Variants in RAD51B observed in about 807,000 individuals in gnomAD.
RAD51B encodes DNA repair protein RAD51 homolog 2.
In RAD51B, 38 loss-of-function variants were observed where a neutral mutation model predicts 42.2. The observed-to-expected ratio is 0.90, with a 90% CI of 0.70 to 1.18. The LOEUF (loss-of-function observed/expected upper bound fraction) is 1.18, where lower values mean the gene tolerates loss of function less well. RAD51B is among the 50% of genes most tolerant of loss of function. The pLI, the probability that RAD51B is intolerant of heterozygous loss-of-function variation, is 0.00. For missense variants in RAD51B, 373 were observed against 400.7 expected (o/e 0.93, Z 0.59); for synonymous variants, 154 against 145.2 (o/e 1.06, Z -0.43).
chr14:68,030,061 A>C (rs2076018015), intron 7 of RAD51B, among the ~76,000 whole-genome samples: 1 of 152,242 alleles, frequency 6.6e-6, no homozygotes, highest in African/African-American at 2.4e-5. Context: ...ACCACACTGT[A>C]ACCAGAGGTG....
intron 7 of RAD51B, among the ~76,000 whole-genome samples, chr14:68,041,504 T>TTTCC (rs1302235478): frequency 6.6e-6 from 1 of 152,192 alleles, no homozygotes; most frequent in African/African-American, 2.4e-5. Context: ...ATTTGTCCAC[T>TTTCC]TTCCTTCCTT....
chr14:67,992,140 G>T (rs1027776793), intron 7 of RAD51B, among the ~76,000 whole-genome samples: 1 of 152,040 alleles, frequency 6.6e-6, no homozygotes, highest in African/African-American at 2.4e-5. Flanking sequence ...TCTGATTATC[G>T]CAGTCTGAGA....
At chr14:68,296,522 T>C (rs2081617242) in intron 8 of RAD51B, among the ~76,000 whole-genome samples, 2 of 152,310 alleles carry the variant, frequency 1.3e-5, no homozygotes, top group South Asian at 4.1e-4. Flanking sequence ...CCCAGAGTGA[T>C]TAATAGAGAA....
chr14:68,275,773 A>C (rs184740242), intron 7 of RAD51B, among the ~76,000 whole-genome samples: 13 of 149,950 alleles, frequency 8.7e-5, no homozygotes, highest in African/African-American at 3.2e-4. Context: ...TAGCTTCTAA[A>C]TACAGTTTGA....
intron 7 of RAD51B, among the ~76,000 whole-genome samples, chr14:68,252,054 T>G (rs1289190494): frequency 6.6e-6 from 1 of 152,212 alleles, no homozygotes; most frequent in Non-Finnish European, 1.5e-5. Context: ...TTTGAGTCCC[T>G]TATTTCTAAA....
At chr14:68,252,213 TGAGCTTTA>T (rs1339662312) in intron 7 of RAD51B, among the ~76,000 whole-genome samples, 1 of 152,230 alleles carries the variant, frequency 6.6e-6, no homozygotes, top group Non-Finnish European at 1.5e-5. Flanking sequence ...TGTGGAAATT[TGAGCTTTA>T]GAGAATGATT....
intron 7 of RAD51B, among the ~76,000 whole-genome samples, chr14:68,095,054 T>G (rs1302629598): frequency 2.0e-5 from 3 of 152,240 alleles, no homozygotes; most frequent in African/African-American, 4.8e-5. Flanking sequence ...GGTTATTTTT[T>G]ATGTTGCTTG....
chr14:68,549,409 A>ATTTTTT (rs71129897), intron 10 of RAD51B, among the ~76,000 whole-genome samples: 9,297 of 63,102 alleles, frequency 0.15, 1,650 homozygotes, highest in Non-Finnish European at 0.22. Flanking sequence ...CCCTGGACAC[A>ATTTTTT]TTTTTTTTTT....
At chr14:68,326,038 C>CTTTTTTTTTTT (rs763428544) in intron 8 of RAD51B, among the ~76,000 whole-genome samples, 6 of 80,466 alleles carry the variant, frequency 7.5e-5, no homozygotes, top group East Asian at 3.0e-4. Context: ...TTTTTCTTTT[C>CTTTTTTTTTTT]TTTTTTTTTT....
At chr14:68,197,038 T>A (rs193241224) in intron 7 of RAD51B, among the ~76,000 whole-genome samples, 16 of 152,210 alleles carry the variant, frequency 1.1e-4, no homozygotes, top group Admixed American at 1.0e-3. Flanking sequence ...CCTTATTTAC[T>A]CATGATACTA....
intron 10 of RAD51B, among the ~76,000 whole-genome samples, chr14:68,552,816 G>T (rs1888646503): frequency 6.6e-6 from 1 of 152,168 alleles, no homozygotes; most frequent in South Asian, 2.1e-4. Context: ...TACATGTGCA[G>T]CTGTCAACCA....
At chr14:68,664,673 A>G (rs1439277522) in intron 11 of RAD51B, among the ~76,000 whole-genome samples, 1 of 152,132 alleles carries the variant, frequency 6.6e-6, no homozygotes, top group African/African-American at 2.4e-5. Context: ...CTACTCTGTC[A>G]TGCTAGCATT....
chr14:67,888,424 AG>A (rs1156976559), intron 7 of RAD51B, among the ~76,000 whole-genome samples: 5 of 152,114 alleles, frequency 3.3e-5, no homozygotes, highest in Non-Finnish European at 7.4e-5. Flanking sequence ...AACCAACTAA[AG>A]ATAGGAGATA....
intron 7 of RAD51B, among the ~76,000 whole-genome samples, chr14:68,288,181 A>G (rs1335066352): frequency 1.3e-5 from 2 of 152,260 alleles, no homozygotes; most frequent in African/African-American, 4.8e-5. Context: ...ATAGTTTTCA[A>G]GTCTCTTGAT....
intron 8 of RAD51B, among the ~76,000 whole-genome samples, chr14:68,355,448 G>C (rs1474443076): frequency 6.6e-6 from 1 of 152,096 alleles, no homozygotes; most frequent in Non-Finnish European, 1.5e-5. Flanking sequence ...GGGTCTATTA[G>C]ATTCTCCAAT....
chr14:67,883,887 T>G (rs2042990251), intron 5 of RAD51B, among the ~76,000 whole-genome samples: 1 of 152,188 alleles, frequency 6.6e-6, no homozygotes, highest in Admixed American at 6.5e-5. Context: ...ATCTTAGTGC[T>G]CATTTTGAAA....
At chr14:67,865,521 G>C (rs376297359) in intron 5 of RAD51B, among the ~76,000 whole-genome samples, 1 of 146,148 alleles carries the variant, frequency 6.8e-6, no homozygotes, top group Admixed American at 6.8e-5. Context: ...ATAGGCGTGA[G>C]CCACTGTGCC....
At chr14:68,353,366 G>A (rs749986970) in intron 8 of RAD51B, among the ~76,000 whole-genome samples, 2 of 152,242 alleles carry the variant, frequency 1.3e-5, no homozygotes, top group African/African-American at 2.4e-5. Flanking sequence ...GAGGATATGA[G>A]CCACAGAGTG....
chr14:68,220,493 A>G (rs1394645815), intron 7 of RAD51B, among the ~76,000 whole-genome samples: 1 of 152,188 alleles, frequency 6.6e-6, no homozygotes, highest in Non-Finnish European at 1.5e-5. Context: ...TCTATGACAC[A>G]CACACAGCCA....
Sources: gnomAD v4.1 joint callset for allele counts (sites outside exome capture counted in the v4.1 genomes callset) on GRCh38, gnomAD v4.1.1 for gene constraint, MANE v1.5 for transcripts, NCBI Gene and HGNC (gene_info 2026-07-23, HGNC 2026-07-21) for gene names.